JPH1: variants seen among roughly 807,000 people sequenced by gnomAD.
JPH1 encodes junctophilin-1.
JPH1 carries 12 observed loss-of-function variants against 53.6 expected under a neutral mutation model. The observed-to-expected ratio is 0.22, with a 90% CI of 0.14 to 0.36. The LOEUF (loss-of-function observed/expected upper bound fraction) is 0.36. Ranked by LOEUF, JPH1 falls within the 10% of genes least tolerant of loss-of-function variation. JPH1 has a pLI of 1.00. For missense variants in JPH1, 808 were observed against 905.5 expected, an observed-to-expected ratio of 0.89 and a Z score of 1.38; for synonymous variants, 375 against 363.8, an observed-to-expected ratio of 1.03 and a Z score of -0.35.
intron 2 of JPH1, among the ~76,000 whole-genome samples, chr8:74,271,922 G>C (rs10504570): frequency 0.07 from 10,629 of 152,130 alleles, 952 homozygotes; most frequent in African/African-American, 0.2. Flanking sequence ...GCTGGAAAAC[G>C]GCATTTGTTC....
chr8:74,254,243 G>A (rs1468277002), intron 3 of JPH1, among the ~76,000 whole-genome samples: 4 of 152,034 alleles, frequency 2.6e-5, no homozygotes, highest in African/African-American at 4.8e-5. Context: ...TTCAACATAC[G>A]AAAATGAATA....
chr8:74,256,544 AAAG>A (rs200319771), intron 3 of JPH1, among the ~76,000 whole-genome samples: 4,225 of 150,584 alleles, frequency 0.028, 215 homozygotes, highest in African/African-American at 0.1. Flanking sequence ...AAAAAAAAAA[AAAG>A]AACTCAAACA....
At chr8:74,271,790 T>A (rs1042608119) in intron 2 of JPH1, among the ~76,000 whole-genome samples, 3 of 152,148 alleles carry the variant, frequency 2.0e-5, no homozygotes, top group Non-Finnish European at 4.4e-5. Flanking sequence ...GGCTGACCAG[T>A]AACCCTGAAA....
intron 2 of JPH1, among the ~76,000 whole-genome samples, chr8:74,268,289 T>C (rs1262942875): frequency 1.3e-5 from 2 of 152,176 alleles, no homozygotes; most frequent in Admixed American, 1.3e-4. Context: ...TTCTAACGAA[T>C]GGAAGAAAGG....
chr8:74,294,508 A>C (rs369164001), intron 2 of JPH1, among the ~76,000 whole-genome samples: 39 of 152,180 alleles, frequency 2.6e-4, no homozygotes, highest in Middle Eastern at 3.4e-3. Context: ...TTCTACAACA[A>C]TCTCTCTTCT....
At chr8:74,288,916 G>C (rs1807245228) in intron 2 of JPH1, among the ~76,000 whole-genome samples, 1 of 152,224 alleles carries the variant, frequency 6.6e-6, no homozygotes, top group Non-Finnish European at 1.5e-5. Context: ...GATATTTTAA[G>C]TATGTAGAGA....
At chr8:74,301,495 C>T (rs1051034907) in intron 2 of JPH1, among the ~76,000 whole-genome samples, 5 of 152,184 alleles carry the variant, frequency 3.3e-5, no homozygotes, top group African/African-American at 1.2e-4. Context: ...ATTTTAAGCA[C>T]CCCTTGTGAT....
At chr8:74,238,539 C>T (rs531193590) in intron 4 of JPH1, among the ~76,000 whole-genome samples, 1 of 152,354 alleles carries the variant, frequency 6.6e-6, no homozygotes, top group South Asian at 2.1e-4. Flanking sequence ...TGGCAGGGGC[C>T]TTGTCTTATT....
intron 2 of JPH1, among the ~76,000 whole-genome samples, chr8:74,291,824 C>T (rs112857493): frequency 0.012 from 1,887 of 152,298 alleles, 38 homozygotes; most frequent in African/African-American, 0.043. Context: ...GGCACATATA[C>T]ACCATGGAAT....
At position 74,321,334 on chromosome 8, in the gene JPH1, C is replaced by T. The variant is rs780248355; in HGVS notation, c.-47G>A. 11 of 1,465,006 alleles carry T rather than the reference C, an allele frequency of 7.5e-6. No individual in the cohort carries two copies. The Admixed American group carries it at 2.7e-4, about 36-fold the overall frequency. The allele number at this position is 1,465,006 out of a possible 1,614,324, so 90.8% of individuals were successfully genotyped here. On this transcript the variant is annotated 5_prime_UTR_variant, in exon 1 of 6. Coordinates refer to ENST00000342232, the MANE Select transcript of JPH1 (RefSeq NM_020647.4). This position sits in a 1 kb window ranked among gnomAD's most constrained non-coding sequence, Gnocchi z 4.3. ...CTCCCCGCAGGGGCACGGACGCGGG[C>T]AGTGCTGGGCACGGCAGGGTGTAGC...
At position 74,319,054 on chromosome 8, in the gene JPH1, GT is replaced by G. The variant is rs1219726779; in HGVS notation, c.379+1854del. 1.5e-4 allele frequency among the ~76,000 whole-genome samples: 22 copies of G among 150,928 alleles called. No homozygotes were observed. The East Asian group carries it at 2.9e-3, about 20-fold the overall frequency. On this transcript the variant is annotated intron_variant, in intron 1 of 5. Transcript: ENST00000342232. Reference sequence around the variant, plus strand: ...CACCCAGGATGATGCCAAGTTTTAAGTTTTTTTTTAAGTTTATTTTAAAACT... The same window carrying G: ...CACCCAGGATGATGCCAAGTTTTAAGTTTTTTTTAAGTTTATTTTAAAACT...
At position 74,315,448 on chromosome 8, in the gene JPH1, G is replaced by C; in HGVS notation, c.552C>G (p.Asp184Glu). ...SVLHDAAAAADSPAGTRGGFV... is the reference protein window; with the variant it reads ...SVLHDAAAAAESPAGTRGGFV... The stretch of plus-strand genomic sequence containing the variant: ...AACCGCCGCGGGTGCCGGCCGGGCT[G>C]TCGGCGGCGGCTGCGGCGTCGTGGA... The change falls in exon 2 of 6, where the codon GAC (aspartate) becomes GAG (glutamate). Residue 184 changes from aspartate (D) to glutamate (E), a missense_variant. This residue lies in a region of JPH1 where 756 missense variants were observed against 811.9 expected (regional missense o/e 0.93). Transcript: ENST00000342232. The surrounding 1 kb of genome is among the most constrained non-coding windows in gnomAD (Gnocchi z 6.3). 1 of 1,609,554 alleles carries C rather than the reference G, an allele frequency of 6.2e-7. No individual in the cohort carries two copies. The highest frequency in any genetic ancestry group is 1.1e-5 in the South Asian group (1 of 90,928).
intron 2 of JPH1, among the ~76,000 whole-genome samples, chr8:74,262,361 C>T (rs1014037557): frequency 2.6e-5 from 4 of 152,136 alleles, no homozygotes; most frequent in East Asian, 1.9e-4. Flanking sequence ...GAGTGACACA[C>T]GACCCCTGTA....
chr8:74,316,236 T>C (rs73689727), intron 1 of JPH1, among the ~76,000 whole-genome samples: 2,699 of 152,290 alleles, frequency 0.018, 90 homozygotes, highest in African/African-American at 0.062. Flanking sequence ...GTGAACCTTT[T>C]TGAGCTAAGA....
chr8:74,301,902 T>A (rs1807693414), intron 2 of JPH1, among the ~76,000 whole-genome samples: 2 of 152,236 alleles, frequency 1.3e-5, no homozygotes, highest in African/African-American at 4.8e-5. Flanking sequence ...CAGACAGATC[T>A]TCTTTTATGA....
intron 2 of JPH1, among the ~76,000 whole-genome samples, chr8:74,290,568 T>C (rs911060202): frequency 6.6e-5 from 10 of 152,198 alleles, no homozygotes; most frequent in African/African-American, 2.4e-4. Context: ...AGGTAATTTA[T>C]AGATTCAATG....
At chr8:74,303,976 T>C (rs532319080) in intron 2 of JPH1, among the ~76,000 whole-genome samples, 2 of 152,304 alleles carry the variant, frequency 1.3e-5, no homozygotes, top group East Asian at 1.9e-4. Context: ...AACCACAATG[T>C]ACATTTTACC....
intron 2 of JPH1, among the ~76,000 whole-genome samples, chr8:74,293,155 T>G (rs541863601): frequency 2.6e-5 from 4 of 152,302 alleles, no homozygotes; most frequent in Non-Finnish European, 5.9e-5. Context: ...CTCAGAGACC[T>G]GAGAGCCAAT....
chr8:74,255,553 A>T (rs1806196031), intron 3 of JPH1, among the ~76,000 whole-genome samples: 1 of 152,158 alleles, frequency 6.6e-6, no homozygotes, highest in African/African-American at 2.4e-5. Flanking sequence ...ATGGGATCTA[A>T]TTAAACTCAA....
Sources: allele counts gnomAD v4.1 joint callset (sites outside exome capture counted in the v4.1 genomes callset), GRCh38; gene constraint gnomAD v4.1.1; regional missense constraint gnomAD v4.1.1; non-coding constraint Gnocchi (gnomAD v3.1); transcripts MANE v1.5; gene names NCBI Gene and HGNC (gene_info 2026-07-23, HGNC 2026-07-21).